CDC25A: variants seen among roughly 807,000 people sequenced by gnomAD.
The protein encoded by CDC25A is cell division cycle 25A.
A neutral mutation model predicts 64.6 loss-of-function variants in CDC25A; 17 were observed. The ratio of observed to expected loss-of-function variants is 0.26; its 90% CI spans 0.18 to 0.39. CDC25A has a LOEUF of 0.39. Ranked by LOEUF, CDC25A falls within the 10% of genes least tolerant of loss-of-function variation. The pLI, the probability that CDC25A is intolerant of heterozygous loss-of-function variation, is 1.00. For missense variants in CDC25A, 473 were observed against 654.8 expected, an observed-to-expected ratio of 0.72 and a Z score of 3.03; for synonymous variants, 229 against 238.6, an observed-to-expected ratio of 0.96 and a Z score of 0.37.
intron 9 of CDC25A, among the ~76,000 whole-genome samples, chr3:48,168,360 C>CCACACACACACA (rs58104019): frequency 0.055 from 5,874 of 106,504 alleles, 313 homozygotes; most frequent in East Asian, 0.11. Flanking sequence ...AAGACCCTGT[C>CCACACACACACA]CACACACACA....
intron 13 of CDC25A, among the ~76,000 whole-genome samples, chr3:48,162,935 G>A (rs2031841702): frequency 6.6e-6 from 1 of 151,828 alleles, no homozygotes. Context: ...AGGATTGCTT[G>A]AGGCCAGGAG....
chr3:48,180,615 G>T, intron 6 of CDC25A, 106 bp downstream of exon 6: 2 of 1,184,092 alleles, frequency 1.7e-6, no homozygotes, highest in Non-Finnish European at 1.2e-6. Context: ...CAAAGTCAAG[G>T]TAAAAACAGC....
intron 8 of CDC25A, 58 bp from the exon 9 acceptor site, chr3:48,174,515 G>A (rs1451062903): frequency 1.3e-6 from 2 of 1,517,786 alleles, no homozygotes; most frequent in African/African-American, 2.8e-5. Context: ...CACTTGAATG[G>A]TAAGACAAAT....
chr3:48,181,595 C>T lies in CDC25A; in HGVS notation c.430-755G>A. On this transcript the variant is annotated intron_variant, in intron 5 of 14. Coordinates refer to ENST00000302506, the MANE Select transcript of CDC25A (RefSeq NM_001789.3). ...TGTGCGGGACCACTGGGTTCATGTT[C>T]TTGTCCCTATGGGATTTGTCACTGG... 1.9e-6 allele frequency: 3 copies of T among 1,556,750 alleles called. No homozygotes were observed. The East Asian group carries it at 6.7e-5, about 35-fold the overall frequency.
chr3:48,186,054 T>C (rs997244242), intron 2 of CDC25A, among the ~76,000 whole-genome samples: 2 of 152,224 alleles, frequency 1.3e-5, no homozygotes, highest in Non-Finnish European at 2.9e-5. Flanking sequence ...GGCAATTTCC[T>C]CCATAGCAGC....
chr3:48,181,791 C>CAA (rs878946423), intron 5 of CDC25A: 261 of 449,054 alleles, frequency 5.8e-4, no homozygotes, highest in South Asian at 7.9e-4. Context: ...CATGAAGAAT[C>CAA]AAAAAAAAAA....
At chr3:48,165,095 C>G in intron 12 of CDC25A, among the ~76,000 whole-genome samples, 1 of 93,304 alleles carries the variant, frequency 1.1e-5, no homozygotes, top group Non-Finnish European at 2.3e-5. Context: ...GGCGACAGAG[C>G]GGACTCTGTC....
At chr3:48,174,174 A>C in intron 9 of CDC25A, 110 bp downstream of exon 9, 1 of 1,047,220 alleles carries the variant, frequency 9.5e-7, no homozygotes, top group Non-Finnish European at 1.4e-6. Flanking sequence ...CAACCCCACA[A>C]AACCCCAGCA....
At chr3:48,162,298 G>GTA (rs397763056) in intron 13 of CDC25A, among the ~76,000 whole-genome samples, 1 of 142,194 alleles carries the variant, frequency 7.0e-6, no homozygotes, top group Admixed American at 6.8e-5. Context: ...GTGTGTGTGT[G>GTA]AGAGAGAGAC....
At position 48,174,456 on chromosome 3, in the gene CDC25A, T is replaced by C; in HGVS notation, c.758A>G (p.Asp253Gly). 1 of 1,603,648 alleles carries C rather than the reference T, an allele frequency of 6.2e-7. No homozygotes were observed. Among genetic ancestry groups the C allele is most frequent in the Non-Finnish European group, 8.5e-7 (1 of 1,177,180 alleles). The change falls in exon 9 of 15, where the codon GAC becomes GGC. Residue 253 changes from aspartate to glycine, a missense_variant and splice_region_variant. Physicochemically the swap from Asp to Gly is moderately conservative, Grantham distance 94. Transcript: ENST00000302506. ...APLVMRTTNL[D>G]NRCKLFDSPS... is the part of the protein sequence containing the mutation. ...GGAGTCAAACAGCTTGCATCGGTTG[T>C]CCTTACAGGAAAAAAAACAGACAGA...
rs368466847 is a variant in CDC25A, at chr3:48,177,891, T to C, written c.647A>G (p.Asp216Gly). ...PVTATLSDED[D>G]GFVDLLDGEN... ...TCCATCGAGAAGGTCCACGAAGCCA[T>C]CATCCTCATCAGACAAAGTGGCTGT... Residue 216 changes from aspartate to glycine, a missense_variant, in exon 7 of 15, where the codon GAT becomes GGT. Physicochemically the swap from Asp to Gly is moderately conservative, Grantham distance 94 (BLOSUM62 -1). Coordinates refer to ENST00000302506, the MANE Select transcript of CDC25A (RefSeq NM_001789.3). The C allele has an allele frequency of 6.2e-7, 1 of 1,613,956 alleles. No homozygotes were observed. The highest frequency in any genetic ancestry group is 8.5e-7 in the Non-Finnish European group (1 of 1,179,980).
intron 9 of CDC25A, among the ~76,000 whole-genome samples, chr3:48,172,917 C>T (rs1222799328): frequency 1.3e-5 from 2 of 151,786 alleles, no homozygotes; most frequent in African/African-American, 2.4e-5. Flanking sequence ...AATGAATTAA[C>T]TTGAAGAATT....
chr3:48,187,944 C>A lies in CDC25A; in HGVS notation c.4G>T (p.Glu2Ter). ...CGGTGCGGGGGCTCCGGGCCCAGTT[C>A]CATGGCGGCGCCCGGCCTCGCAGAG... M[E>*]LGPEPPHRRR... The change falls in exon 1 of 15, where the codon GAA (glutamate) becomes TAA (stop). Residue 2 changes from glutamate (E) to a stop codon, truncating the protein, a stop_gained. Coordinates refer to ENST00000302506, the MANE Select transcript of CDC25A (RefSeq NM_001789.3). LOFTEE classifies it high-confidence loss of function. 6.7e-7 allele frequency: 1 copy of A among 1,493,126 alleles called. No individual in the cohort carries two copies. The allele number at this position is 1,493,126 out of a possible 1,614,324, so 92.5% of individuals were successfully genotyped here. A position where few individuals can be genotyped will look rare whatever the true frequency, so the allele number is the denominator to read the frequency against.
chr3:48,184,765 C>G, intron 2 of CDC25A, 70 bp from the exon 3 acceptor site: 1 of 1,136,250 alleles, frequency 8.8e-7, no homozygotes, highest in Non-Finnish European at 1.3e-6. Context: ...AATTAAAACA[C>G]TAAACAAAGT....
chr3:48,167,696 T>C, intron 10 of CDC25A, 150 bp downstream of exon 10: 1 of 595,834 alleles, frequency 1.7e-6, no homozygotes, highest in South Asian at 2.1e-5. Flanking sequence ...CATGAGAAAC[T>C]AAGTTTGCTT....
Position 48,157,889 on chromosome 3 carries a change from CATA to C in CDC25A, c.*1053_*1055del, listed in dbSNP as rs1333897848. The C allele has an allele frequency of 6.6e-6, 1 of 152,620 alleles. No homozygotes were observed. Among genetic ancestry groups the C allele is most frequent in the African/African-American group, 2.4e-5 (1 of 41,436 alleles). The allele number at this position is 152,620 out of a possible 1,614,324, so 9.5% of individuals were successfully genotyped here. On this transcript the variant is annotated 3_prime_UTR_variant, in exon 15 of 15. Coordinates refer to ENST00000302506, the MANE Select transcript of CDC25A (RefSeq NM_001789.3). ...AACACTGATTTGATACTCTTTGACTCATAATATGACCATTTTTTAAAAATTAGA... is the reference window on the plus strand; with the variant it reads ...AACACTGATTTGATACTCTTTGACTCATATGACCATTTTTTAAAAATTAGA...
intron 11 of CDC25A, 48 bp from the exon 12 acceptor site, chr3:48,165,782 C>A: frequency 6.3e-7 from 1 of 1,591,236 alleles, no homozygotes; most frequent in Non-Finnish European, 8.6e-7. Context: ...TCAGGGAAAA[C>A]TAGATTCAAG....
intron 8 of CDC25A, among the ~76,000 whole-genome samples, chr3:48,175,683 C>A (rs573617248): frequency 2.6e-5 from 4 of 152,306 alleles, no homozygotes; most frequent in African/African-American, 9.6e-5. Flanking sequence ...TAAGAGCTTA[C>A]AAGCCCATGC....
At chr3:48,164,144 CA>C (rs1159532924) in intron 13 of CDC25A, among the ~76,000 whole-genome samples, 162 bp downstream of exon 13, 1 of 152,092 alleles carries the variant, frequency 6.6e-6, no homozygotes, top group African/African-American at 2.4e-5. Flanking sequence ...CTGGAAGAGC[CA>C]AAGTTCACCT....
Sources: allele counts gnomAD v4.1 joint callset (sites outside exome capture counted in the v4.1 genomes callset), GRCh38; gene constraint gnomAD v4.1.1; transcripts MANE v1.5; gene names NCBI Gene and HGNC (gene_info 2026-07-23, HGNC 2026-07-21).